Variants in FAM20C observed in about 807,000 individuals in gnomAD.
FAM20C encodes the protein FAM20C golgi associated secretory pathway kinase.
Under a neutral mutation model 51.5 loss-of-function variants are expected in FAM20C, and 40 were observed. The ratio of observed to expected loss-of-function variants is 0.78; its 90% CI spans 0.60 to 1.01. FAM20C has a LOEUF of 1.01. Among genes scored for constraint, FAM20C ranks in the 50% least tolerant of loss-of-function variants. FAM20C has a pLI of 0.00. For synonymous variants in FAM20C, 406 were observed against 380.6 expected (o/e 1.07, Z -0.78); for missense variants, 861 against 844.7 (o/e 1.02, Z -0.24).
chr7:251,515 G>A (rs150865472), intron 5 of FAM20C, among the ~76,000 whole-genome samples: 8,860 of 149,892 alleles, frequency 0.059, 320 homozygotes, highest in Non-Finnish European at 0.092. Flanking sequence ...GTGAGACCCC[G>A]TCTCAAAAAA....
At position 225,971 on chromosome 7, in the gene FAM20C, C is replaced by G. The variant is rs140809526; in HGVS notation, c.863+16995C>G. On this transcript the variant is annotated intron_variant, in intron 3 of 9. Transcript: ENST00000313766. Reference sequence around the variant, plus strand: ...TTCTCTCATTGCGCAGAATGGCACCCTCATGGGGTCGCACGGCGGCTGTCC... The same window carrying G: ...TTCTCTCATTGCGCAGAATGGCACCGTCATGGGGTCGCACGGCGGCTGTCC... 1.3e-3 allele frequency among the ~76,000 whole-genome samples: 79 copies of G among 61,478 alleles called. 10 individuals carry two copies. The highest frequency in any genetic ancestry group is 2.9e-3 in the African/African-American group (54 of 18,710). 40.3% of individuals were successfully genotyped at this position (61,478 alleles called of 152,430 possible). A position where few individuals can be genotyped will look rare whatever the true frequency, so the allele number is the denominator to read the frequency against.
In FAM20C at chr7:248,360, C is replaced by T; in HGVS notation, c.1002C>T (p.Val334=). The change falls in exon 5 of 10, where the codon GTC becomes GTT. Residue 334 remains valine (V), a synonymous_variant. Coordinates refer to ENST00000313766, the MANE Select transcript of FAM20C (RefSeq NM_020223.4). ...TCCCTCCCGTGGCCGGCAGGATGGT[C>T]AACATGACCAAGGAGATCCGGGACG... ...RRVPPVAGRM[V]NMTKEIRDVT... is the part of the protein sequence containing the mutation. The T allele has an allele frequency of 6.5e-7, 1 of 1,537,146 alleles. No homozygotes were observed. The highest frequency in any genetic ancestry group is 8.7e-7 in the Non-Finnish European group (1 of 1,146,898).
chr7:258,170 CCCACTGCCTGAGGTGCTGGAGATAGGCA>C, intron 8 of FAM20C, among the ~76,000 whole-genome samples: 1 of 119,760 alleles, frequency 8.4e-6, no homozygotes, highest in Admixed American at 7.8e-5. Flanking sequence ...GCAGGGTGGA[CCCACTGCCTGAGGTGCTGGAGATAGGCA>C]GGGTGGACCC....
intron 3 of FAM20C, among the ~76,000 whole-genome samples, chr7:216,409 T>G (rs1304199440): frequency 6.7e-4 from 4 of 5,938 alleles, no homozygotes; most frequent in Admixed American, 3.9e-3. Flanking sequence ...TGGGGCTGGG[T>G]GGGGGGGGCA....
rs1788823978 is a variant in FAM20C, at chr7:260,138, T to C, written c.*158T>C. Reference sequence around the variant, plus strand: ...AGGAGGCGAGGCTCCCCAGGTCTCATAGGACACATTTTGTCAGTGTTTGAC... The same window carrying C: ...AGGAGGCGAGGCTCCCCAGGTCTCACAGGACACATTTTGTCAGTGTTTGAC... On this transcript the variant is annotated 3_prime_UTR_variant, in exon 10 of 10. Transcript: ENST00000313766. The C allele has an allele frequency of 5.0e-6, 5 of 1,008,848 alleles. No individual in the cohort carries two copies. Among genetic ancestry groups the C allele is most frequent in the Admixed American group, 6.5e-5 (2 of 30,690 alleles). 62.5% of individuals were successfully genotyped at this position (1,008,848 alleles called of 1,614,324 possible).
chr7:212,169 G>A lies in FAM20C; in HGVS notation c.863+3193G>A, dbSNP rs150190491. 2.2e-3 allele frequency among the ~76,000 whole-genome samples: 330 copies of A among 152,326 alleles called. 1 individual carries two copies. Among genetic ancestry groups the A allele is most frequent in the African/African-American group, 7.5e-3 (313 of 41,578 alleles). On this transcript the variant is annotated intron_variant, in intron 3 of 9. Transcript: ENST00000313766. The stretch of plus-strand genomic sequence containing the variant: ...AATGAGTTAAAATCCATGATTAATA[G>A]TTCTCTTTAAAGGCCGGGCACACTG...
In FAM20C at chr7:205,305, C is replaced by CGGACACGCACCGCCAT. The variant is rs1583285607; in HGVS notation, c.785-3592_785-3591insGACACGCACCGCCATG. Among the ~76,000 whole-genome samples the CGGACACGCACCGCCAT allele has an allele frequency of 2.4e-3, 346 of 143,722 alleles. 9 individuals are homozygous for CGGACACGCACCGCCAT. The highest frequency in any genetic ancestry group is 3.6e-3 in the Non-Finnish European group (239 of 65,624). 94.3% of individuals were successfully genotyped at this position (143,722 alleles called of 152,430 possible). ...CCGGGACCACGGACACGCACCACCA[C>CGGACACGCACCGCCAT]GACGTCAGCCCCCCGAGTAGCCGGG... On this transcript the variant is annotated intron_variant, in intron 2 of 9. Coordinates refer to ENST00000313766, the MANE Select transcript of FAM20C (RefSeq NM_020223.4).
chr7:258,569 T>C, intron 8 of FAM20C, 77 bp from the exon 9 acceptor site: 1 of 1,443,646 alleles, frequency 6.9e-7, no homozygotes, highest in South Asian at 1.2e-5. Context: ...GGTGGACCCA[T>C]GGCCCAGCTC....
At chr7:223,241 C>A (rs971120679) in intron 3 of FAM20C, among the ~76,000 whole-genome samples, 1 of 152,154 alleles carries the variant, frequency 6.6e-6, no homozygotes, top group Non-Finnish European at 1.5e-5. Flanking sequence ...ACAGCTGTCC[C>A]AGCCTCACAG....
intron 3 of FAM20C, among the ~76,000 whole-genome samples, chr7:209,362 C>T (rs1027251312): frequency 2.0e-5 from 3 of 152,210 alleles, no homozygotes; most frequent in Admixed American, 6.5e-5. Flanking sequence ...AAGGGCCGGA[C>T]GCAGCTATTT....
In FAM20C at chr7:193,773, C is replaced by T. The variant is rs1391477527; in HGVS notation, c.574C>T (p.Leu192Phe). 1 of 1,552,316 alleles carries T rather than the reference C, an allele frequency of 6.4e-7. No individual in the cohort carries two copies. The highest frequency in any genetic ancestry group is 8.7e-7 in the Non-Finnish European group (1 of 1,148,212). Residue 192 changes from leucine (L) to phenylalanine (F), a missense_variant, in exon 1 of 10, where the codon CTC becomes TTC. Leu to Phe is a conservative substitution (Grantham distance 22). This residue lies in a region of FAM20C where 561 missense variants were observed against 499.8 expected (regional missense o/e 1.12). Coordinates refer to ENST00000313766, the MANE Select transcript of FAM20C (RefSeq NM_020223.4). ...VLFNVNSDTR[L>F]SPKAAENPDW... ...GTTCAATGTGAACAGCGACACCAGGCTCAGCCCCAAAGCGGCGGAGAACCC... is the reference window on the plus strand; with the variant it reads ...GTTCAATGTGAACAGCGACACCAGGTTCAGCCCCAAAGCGGCGGAGAACCC...
In FAM20C at chr7:236,915, A is replaced by T. The variant is rs892326303; in HGVS notation, c.864-9500A>T. Among the ~76,000 whole-genome samples, 978 of 151,986 alleles carry T rather than the reference A, an allele frequency of 6.4e-3. 16 individuals carry two copies. Among genetic ancestry groups the T allele is most frequent in the African/African-American group, 0.022 (925 of 41,456 alleles). ...TGGATGCGTGGCCAGAGGGCAGAAG[A>T]CTCCAGGAGCATTTCAGAGCCTCTT... is the stretch of plus-strand genomic sequence containing the variant. On this transcript the variant is annotated intron_variant, in intron 3 of 9. Coordinates refer to ENST00000313766, the MANE Select transcript of FAM20C (RefSeq NM_020223.4).
In FAM20C at chr7:193,413, GCCGCCTCCT is replaced by G. The variant is rs1307213413; in HGVS notation, c.220_228del (p.Ser74_Ala76del). The stretch of plus-strand genomic sequence containing the variant: ...TCGGGGCCGCCCCGGGGAGCCCCCG[GCCGCCTCCT>G]CCGCCGCCGGCGACGCGGGCTGGCC... On this transcript the variant is annotated inframe_deletion, in exon 1 of 10. Coordinates refer to ENST00000313766, the MANE Select transcript of FAM20C (RefSeq NM_020223.4). The G allele has an allele frequency of 2.8e-6, 4 of 1,411,464 alleles. No homozygotes were observed. Among genetic ancestry groups the G allele is most frequent in the Non-Finnish European group, 3.7e-6 (4 of 1,071,200 alleles). The allele number at this position is 1,411,464 out of a possible 1,614,324, so 87.4% of individuals were successfully genotyped here. A position where few individuals can be genotyped will look rare whatever the true frequency, so the allele number is the denominator to read the frequency against.
chr7:211,152 G>A (rs1486899693), intron 3 of FAM20C, among the ~76,000 whole-genome samples: 1 of 84,504 alleles, frequency 1.2e-5, no homozygotes, highest in Non-Finnish European at 2.7e-5. Context: ...CCTCCCCTGG[G>A]CCTCCTCCCA....
In FAM20C at chr7:207,586, C is replaced by T. The variant is rs139916282; in HGVS notation, c.785-1312C>T. Among the ~76,000 whole-genome samples, 726 of 152,346 alleles carry T rather than the reference C, an allele frequency of 4.8e-3. 2 individuals are homozygous for T. Among genetic ancestry groups the T allele is most frequent in the African/African-American group, 0.016 (683 of 41,578 alleles). On this transcript the variant is annotated intron_variant, in intron 2 of 9. Coordinates refer to ENST00000313766, the MANE Select transcript of FAM20C (RefSeq NM_020223.4). ...CTCTTCCCCTTTGCACCGGAGCAGT[C>T]GCATATGCCACCCCACCACGTTCCA...
intron 2 of FAM20C, among the ~76,000 whole-genome samples, chr7:207,072 A>C (rs113690020): frequency 7.7e-5 from 1 of 13,052 alleles, no homozygotes; most frequent in Non-Finnish European, 1.9e-4. Flanking sequence ...CTGCACACGT[A>C]TCCACTGTGA....
At chr7:233,538 C>T (rs914161526) in intron 3 of FAM20C, among the ~76,000 whole-genome samples, 80 of 152,310 alleles carry the variant, frequency 5.3e-4, no homozygotes, top group Non-Finnish European at 8.2e-4. Context: ...TGAGCTCCCC[C>T]GGGAGGCTCA....
chr7:230,633 G>T (rs80135121), intron 3 of FAM20C, among the ~76,000 whole-genome samples: 1 of 152,090 alleles, frequency 6.6e-6, no homozygotes, highest in African/African-American at 2.4e-5. Context: ...GTGGAAAAAC[G>T]CCTGCCCCAT....
At chr7:219,015 G>C (rs922876640) in intron 3 of FAM20C, among the ~76,000 whole-genome samples, 16 of 152,312 alleles carry the variant, frequency 1.1e-4, no homozygotes, top group African/African-American at 3.9e-4. Flanking sequence ...GAACCTGTTA[G>C]TGGCTCAGAC....
Sources: gnomAD v4.1 joint callset for allele counts (sites outside exome capture counted in the v4.1 genomes callset) on GRCh38, gnomAD v4.1.1 for gene constraint, gnomAD v4.1.1 regional missense constraint, MANE v1.5 for transcripts, NCBI Gene and HGNC (gene_info 2026-07-23, HGNC 2026-07-21) for gene names.